The following ALPK1 variants were observed in gnomAD, a reference collection of about 807,000 sequenced individuals.
ALPK1 encodes alpha kinase 1, also known as alpha-protein kinase 1.
Under a neutral mutation model 120.6 loss-of-function variants are expected in ALPK1, and 110 were observed. The ratio of observed to expected loss-of-function variants is 0.91; its 90% CI spans 0.78 to 1.07. ALPK1 has a LOEUF of 1.07. ALPK1 is among the 50% of genes least tolerant of loss of function. The probability of loss-of-function intolerance (pLI) is 0.00; values close to 1 mark genes in which losing one functional copy is unlikely to be tolerated. For missense variants in ALPK1, 1,498 were observed against 1,483.9 expected (o/e 1.01, Z -0.16); for synonymous variants, 582 against 560.3 (o/e 1.04, Z -0.55).
intron 2 of ALPK1, among the ~76,000 whole-genome samples, chr4:112,321,946 G>C (rs1480307177): frequency 1.3e-5 from 2 of 152,250 alleles, no homozygotes; most frequent in East Asian, 3.9e-4. Context: ...AAGTGAAATT[G>C]CTTATACCTG....
intron 2 of ALPK1, among the ~76,000 whole-genome samples, chr4:112,349,061 T>C (rs923147243): frequency 6.6e-6 from 1 of 152,126 alleles, no homozygotes; most frequent in East Asian, 1.9e-4. Flanking sequence ...TTTTGTTTTT[T>C]TTTTGTCTTG....
Position 112,441,255 on chromosome 4 carries a change from C to G in ALPK1, c.*45C>G. ...CTTTGGGGCTTGGGCAGGGCCGTGA[C>G]ACAGGTTCTGGCCAATGATTTGCAA... On this transcript the variant is annotated 3_prime_UTR_variant, in exon 16 of 16. Coordinates refer to ENST00000650871, the MANE Select transcript of ALPK1 (RefSeq NM_025144.4). The G allele has an allele frequency of 7.7e-7, 1 of 1,293,522 alleles. No homozygotes were observed. The allele number at this position is 1,293,522 out of a possible 1,614,324, so 80.1% of individuals were successfully genotyped here.
intron 5 of ALPK1, among the ~76,000 whole-genome samples, chr4:112,415,325 A>T (rs1733691200): frequency 6.6e-6 from 1 of 152,244 alleles, no homozygotes; most frequent in South Asian, 2.1e-4. Context: ...TCTTGGCTAA[A>T]GATGACCTTA....
rs145497991 is a variant in ALPK1 at position 112,328,730 on chromosome 4, C to T, written c.-101+12878C>T. ...CTTTGGAGGACTAGTTTTACTGTCC[C>T]GGGTCACAATTGCATATATGTGGAT... is the stretch of plus-strand genomic sequence containing the variant. On this transcript the variant is annotated intron_variant, in intron 2 of 15. Coordinates refer to ENST00000650871, the MANE Select transcript of ALPK1 (RefSeq NM_025144.4). Among the ~76,000 whole-genome samples the T allele has an allele frequency of 5.8e-3, 881 of 152,216 alleles. 5 individuals are homozygous for T. Among genetic ancestry groups the T allele is most frequent in the African/African-American group, 0.02 (811 of 41,520 alleles).
At chr4:112,339,287 A>G (rs1032651466) in intron 2 of ALPK1, among the ~76,000 whole-genome samples, 1 of 152,210 alleles carries the variant, frequency 6.6e-6, no homozygotes, top group African/African-American at 2.4e-5. Flanking sequence ...CCATAATCAA[A>G]TAAGAAGAAA....
At chr4:112,330,050 G>A (rs1644297081) in intron 2 of ALPK1, among the ~76,000 whole-genome samples, 3 of 152,204 alleles carry the variant, frequency 2.0e-5, no homozygotes, top group Admixed American at 2.0e-4. Flanking sequence ...AAGTTAAATT[G>A]AAAAACGCTG....
intron 2 of ALPK1, among the ~76,000 whole-genome samples, chr4:112,348,269 G>A (rs553874419): frequency 6.6e-6 from 1 of 152,230 alleles, no homozygotes; most frequent in South Asian, 2.1e-4. Flanking sequence ...TAAGTTTAAG[G>A]GCATTAAAAC....
At chr4:112,398,485 GACAGGGTCTC>G (rs1732765843) in intron 4 of ALPK1, among the ~76,000 whole-genome samples, 1 of 152,110 alleles carries the variant, frequency 6.6e-6, no homozygotes, top group Non-Finnish European at 1.5e-5. Flanking sequence ...TTTTTGTAAA[GACAGGGTCTC>G]CCTATGTTGC....
chr4:112,358,209 C>T (rs942804730), intron 2 of ALPK1: 13 of 597,256 alleles, frequency 2.2e-5, no homozygotes, highest in African/African-American at 2.0e-4. Context: ...GACAACAGGG[C>T]TGTCTTCCTC....
In ALPK1 at chr4:112,432,850, G is replaced by A. The variant is rs181877846; in HGVS notation, c.3034+269G>A. Among the ~76,000 whole-genome samples, 6 of 152,308 alleles carry A rather than the reference G, an allele frequency of 3.9e-5. No homozygotes were observed. In the East Asian group the frequency reaches 1.2e-3, roughly 29 times the overall value. ...GGTAGTGAGGGAGACAGGAAACTTAGAGGACTCTGGCACAGCCATCACTAA... is the reference window on the plus strand; with the variant it reads ...GGTAGTGAGGGAGACAGGAAACTTAAAGGACTCTGGCACAGCCATCACTAA... On this transcript the variant is annotated intron_variant, in intron 11 of 15. Coordinates refer to ENST00000650871, the MANE Select transcript of ALPK1 (RefSeq NM_025144.4).
intron 4 of ALPK1, among the ~76,000 whole-genome samples, chr4:112,392,469 G>A (rs1017308222): frequency 3.9e-5 from 6 of 152,058 alleles, no homozygotes; most frequent in Admixed American, 2.0e-4. Flanking sequence ...CTCATTCTTA[G>A]AATATTATTA....
rs764845071 is a variant in ALPK1, at chr4:112,439,862, C to T, written c.3528C>T (p.Val1176=). Residue 1176 remains valine (V), a synonymous_variant, in exon 14 of 16, where the codon GTC becomes GTT. Transcript: ENST00000650871. ...TTTCTAATCATAGAGATGTTGTGGT[C>T]GATTTACAAGGTATGTGAAACTGGG... ...YEFSNHRDVV[V]DLQGWVTGNG... 21 of 1,603,324 alleles carry T rather than the reference C, an allele frequency of 1.3e-5. No homozygotes were observed. Among genetic ancestry groups the T allele is most frequent in the Non-Finnish European group, 1.7e-5 (20 of 1,177,214 alleles).
chr4:112,389,683 T>C (rs1476312296), intron 4 of ALPK1, among the ~76,000 whole-genome samples: 1 of 152,198 alleles, frequency 6.6e-6, no homozygotes, highest in Non-Finnish European at 1.5e-5. Flanking sequence ...AGTCTTGCAA[T>C]GTGCTGGGCA....
Position 112,422,853 on chromosome 4 carries a change from C to A in ALPK1, c.476-1091C>A, listed in dbSNP as rs182004411. Among the ~76,000 whole-genome samples, 5 of 152,336 alleles carry A rather than the reference C, an allele frequency of 3.3e-5. No homozygotes were observed. The East Asian group carries it at 9.6e-4, about 29-fold the overall frequency. On this transcript the variant is annotated intron_variant, in intron 5 of 15. Transcript: ENST00000650871. ...CCTCTGCATGGGCCTCTCCATGTGGCGGCCTCAGCTTCCTCAGAGCATTGG... is the reference window on the plus strand; with the variant it reads ...CCTCTGCATGGGCCTCTCCATGTGGAGGCCTCAGCTTCCTCAGAGCATTGG...
chr4:112,357,703 T>C (rs1730706411), intron 2 of ALPK1: 1 of 1,564,432 alleles, frequency 6.4e-7, no homozygotes, highest in Non-Finnish European at 8.8e-7. Context: ...GAGCTCCGCG[T>C]TTGACAGACG....
chr4:112,365,428 A>G (rs1396493895), intron 2 of ALPK1, among the ~76,000 whole-genome samples: 1 of 152,242 alleles, frequency 6.6e-6, no homozygotes, highest in Non-Finnish European at 1.5e-5. Context: ...CCAAGCTGAC[A>G]TTCAAATTGA....
In ALPK1 at chr4:112,431,643, A is replaced by G. The variant is rs755792187; in HGVS notation, c.2096A>G (p.Gln699Arg). The part of the protein sequence containing the change: ...GLLEGAPEGI[Q>R]EVRNMGPRNT... ...CTAGAAGGAGCTCCAGAAGGTATCCAGGAAGTCAGAAATATGGGACCCAGA... is the reference window on the plus strand; with the variant it reads ...CTAGAAGGAGCTCCAGAAGGTATCCGGGAAGTCAGAAATATGGGACCCAGA... The change falls in exon 11 of 16, where the codon CAG (glutamine) becomes CGG (arginine). Residue 699 changes from glutamine (Q) to arginine (R), a missense_variant. Gln to Arg is a conservative substitution (Grantham distance 43). Transcript: ENST00000650871. The G allele has an allele frequency of 1.9e-6, 3 of 1,614,198 alleles. No individual in the cohort carries two copies. The highest frequency in any genetic ancestry group is 1.6e-4 in the Middle Eastern group (1 of 6,062).
intron 2 of ALPK1, among the ~76,000 whole-genome samples, chr4:112,323,435 T>G (rs1728952863): frequency 6.6e-6 from 1 of 152,174 alleles, no homozygotes; most frequent in Non-Finnish European, 1.5e-5. Flanking sequence ...TATGTCTAAT[T>G]CATCCTTATA....
intron 2 of ALPK1, among the ~76,000 whole-genome samples, chr4:112,368,306 A>G (rs1201837012): frequency 6.6e-6 from 1 of 152,142 alleles, no homozygotes; most frequent in African/African-American, 2.4e-5. Flanking sequence ...TCTTATTCTT[A>G]ATCTGCTTAT....
Sources: gnomAD v4.1 joint callset for allele counts (sites outside exome capture counted in the v4.1 genomes callset) on GRCh38, gnomAD v4.1.1 for gene constraint, MANE v1.5 for transcripts, NCBI Gene and HGNC (gene_info 2026-07-23, HGNC 2026-07-21) for gene names.